Variants in PPP1R42 observed in about 807,000 individuals in gnomAD.
PPP1R42 encodes the protein protein phosphatase 1 regulatory subunit 42, also known as leucine rich repeat containing 67.
In PPP1R42, 34 loss-of-function variants were observed where a neutral mutation model predicts 31.0. That is an observed-to-expected ratio of 1.10 (90% CI 0.83 to 1.46). The LOEUF (loss-of-function observed/expected upper bound fraction) is 1.46, where lower values mean the gene tolerates loss of function less well. Among genes scored for constraint, PPP1R42 ranks in the 40% most tolerant of loss-of-function variants. PPP1R42 has a pLI of 0.00. For missense variants in PPP1R42, 268 were observed against 303.0 expected (o/e 0.88, Z 0.86); for synonymous variants, 103 against 109.8 (o/e 0.94, Z 0.39).
intron 6 of PPP1R42, among the ~76,000 whole-genome samples, chr8:66,986,680 C>G (rs1815027758): frequency 6.6e-6 from 1 of 152,232 alleles, no homozygotes; most frequent in Non-Finnish European, 1.5e-5. Flanking sequence ...CTTTAACTTC[C>G]TGAAGCGGAA....
At chr8:66,977,312 C>T (rs1398762091) in intron 7 of PPP1R42, among the ~76,000 whole-genome samples, 3 of 147,922 alleles carry the variant, frequency 2.0e-5, no homozygotes, top group South Asian at 2.1e-4. Context: ...GGATTACAGG[C>T]GTGAGCCATC....
intron 1 of PPP1R42, among the ~76,000 whole-genome samples, chr8:67,027,256 A>G (rs1419253471): frequency 6.6e-6 from 1 of 152,186 alleles, no homozygotes; most frequent in Non-Finnish European, 1.5e-5. Flanking sequence ...GCATATTTTG[A>G]AATGACATAT....
intron 6 of PPP1R42, chr8:66,985,521 A>C: frequency 1.6e-6 from 2 of 1,228,934 alleles, no homozygotes; most frequent in Non-Finnish European, 2.4e-6. Flanking sequence ...TGCCCATGTC[A>C]TGGAGATTAG....
intron 4 of PPP1R42, among the ~76,000 whole-genome samples, chr8:67,012,065 A>C (rs1160480446): frequency 2.6e-5 from 4 of 151,902 alleles, no homozygotes; most frequent in Non-Finnish European, 2.9e-5. Flanking sequence ...GTGAAACCCC[A>C]TCTCTACTAA....
chr8:67,021,666 C>T lies in PPP1R42; in HGVS notation c.-84-3835G>A, dbSNP rs115672834. ...AAATACATTTGAAACCCCTCTATAC[C>T]TTTCTTCCTCTTCATTCTCTTAAAT... On this transcript the variant is annotated intron_variant, in intron 1 of 7. Coordinates refer to ENST00000685739, the MANE Select transcript of PPP1R42 (RefSeq NM_001364910.1). 3.9e-3 allele frequency among the ~76,000 whole-genome samples: 600 copies of T among 151,982 alleles called. 7 individuals are homozygous for T. Among genetic ancestry groups the T allele is most frequent in the African/African-American group, 0.014 (585 of 41,484 alleles).
intron 5 of PPP1R42, among the ~76,000 whole-genome samples, chr8:66,989,708 C>T (rs1815133476): frequency 6.6e-6 from 1 of 152,246 alleles, no homozygotes; most frequent in African/African-American, 2.4e-5. Flanking sequence ...CTGCACTAGA[C>T]TTTGAGGGAT....
chr8:66,985,444 C>A, intron 6 of PPP1R42: 2 of 826,400 alleles, frequency 2.4e-6, no homozygotes, highest in Non-Finnish European at 4.1e-6. Context: ...TACAATGCAC[C>A]CTTGCTCATC....
chr8:67,025,991 T>C (rs1585695477), intron 1 of PPP1R42, among the ~76,000 whole-genome samples: 2 of 123,226 alleles, frequency 1.6e-5, no homozygotes, highest in East Asian at 4.8e-4. Flanking sequence ...GGCGATAGAG[T>C]GAGACTCCGT....
chr8:67,019,490 G>A (rs1475212706), intron 1 of PPP1R42, among the ~76,000 whole-genome samples: 3 of 150,516 alleles, frequency 2.0e-5, no homozygotes, highest in Non-Finnish European at 4.4e-5. Context: ...CACCCACCTC[G>A]GCCTCCCAAA....
At chr8:67,004,262 A>C (rs2129536682) in intron 5 of PPP1R42, among the ~76,000 whole-genome samples, 1 of 152,352 alleles carries the variant, frequency 6.6e-6, no homozygotes, top group South Asian at 2.1e-4. Flanking sequence ...AGCAGAGAGC[A>C]GCCCTTGCCA....
At position 66,974,510 on chromosome 8, in the gene PPP1R42, C is replaced by T. The variant is rs568857609; in HGVS notation, c.802+7539G>A. On this transcript the variant is annotated intron_variant, in intron 7 of 7. Transcript: ENST00000685739. ...CGGAGGTTGCAGTGAGCTGAGAGCACGCCATTGCACTCCAGCCTAGGCAAC... is the reference window on the plus strand; with the variant it reads ...CGGAGGTTGCAGTGAGCTGAGAGCATGCCATTGCACTCCAGCCTAGGCAAC... Among the ~76,000 whole-genome samples the T allele has an allele frequency of 1.3e-3, 191 of 152,032 alleles. 1 individual carries two copies. Among genetic ancestry groups the T allele is most frequent in the African/African-American group, 4.3e-3 (178 of 41,452 alleles).
At chr8:67,002,214 T>C (rs1270832109) in intron 5 of PPP1R42, among the ~76,000 whole-genome samples, 2 of 152,380 alleles carry the variant, frequency 1.3e-5, no homozygotes, top group South Asian at 2.1e-4. Context: ...ATATATATTT[T>C]TTTACATGGA....
At chr8:67,027,691 T>G (rs1816444092) in intron 1 of PPP1R42, among the ~76,000 whole-genome samples, 1 of 152,232 alleles carries the variant, frequency 6.6e-6, no homozygotes. Flanking sequence ...AAAGTGGATT[T>G]GGATATATTT....
intron 5 of PPP1R42, among the ~76,000 whole-genome samples, chr8:67,001,358 TA>T (rs113200446): frequency 0.034 from 5,077 of 149,232 alleles, 178 homozygotes; most frequent in African/African-American, 0.078. Context: ...AGATTGGATT[TA>T]AAAAAAAATC....
At chr8:66,986,869 TA>T (rs1815034057) in intron 6 of PPP1R42, among the ~76,000 whole-genome samples, 1 of 152,096 alleles carries the variant, frequency 6.6e-6, no homozygotes, top group Non-Finnish European at 1.5e-5. Context: ...CTCCCTAATT[TA>T]ACAGTGGCGT....
chr8:67,013,111 C>A lies in PPP1R42; in HGVS notation c.297-15G>T. The A allele has an allele frequency of 6.4e-7, 1 of 1,574,502 alleles. No homozygotes were observed. Among genetic ancestry groups the A allele is most frequent in the Non-Finnish European group, 8.6e-7 (1 of 1,165,212 alleles). Reference sequence around the variant, plus strand: ...CTCCCAGATACCTGCAAAACATAGACATAATTCTAAACAGACATTCTGAGA... The same window carrying A: ...CTCCCAGATACCTGCAAAACATAGAAATAATTCTAAACAGACATTCTGAGA... On this transcript the variant is annotated splice_polypyrimidine_tract_variant and intron_variant, in intron 3 of 7. Coordinates refer to ENST00000685739, the MANE Select transcript of PPP1R42 (RefSeq NM_001364910.1).
At chr8:66,987,501 A>C (rs550707240) in intron 6 of PPP1R42, among the ~76,000 whole-genome samples, 5 of 152,132 alleles carry the variant, frequency 3.3e-5, no homozygotes, top group South Asian at 4.1e-4. Context: ...CGTGTTGCCC[A>C]GACTGGTCTC....
chr8:67,009,881 T>C (rs978576313), intron 5 of PPP1R42, among the ~76,000 whole-genome samples: 2 of 152,224 alleles, frequency 1.3e-5, no homozygotes, highest in Non-Finnish European at 2.9e-5. Context: ...TGTGTGGAAG[T>C]AGTTCTGAAA....
chr8:67,016,099 T>A (rs905338250), intron 2 of PPP1R42, among the ~76,000 whole-genome samples: 7 of 151,924 alleles, frequency 4.6e-5, no homozygotes, highest in Non-Finnish European at 1.0e-4. Context: ...AAGAGAAACA[T>A]TAGGTTTGGG....
Sources: allele counts gnomAD v4.1 joint callset (sites outside exome capture counted in the v4.1 genomes callset), GRCh38; gene constraint gnomAD v4.1.1; transcripts MANE v1.5; gene names NCBI Gene and HGNC (gene_info 2026-07-23, HGNC 2026-07-21).